The following TUBB4B variants were observed in gnomAD, a reference collection of about 807,000 sequenced individuals.
TUBB4B encodes the protein tubulin beta 4B class IVb.
TUBB4B carries 7 observed loss-of-function variants against 34.3 expected under a neutral mutation model. The ratio of observed to expected loss-of-function variants is 0.20; its 90% CI spans 0.12 to 0.38. The LOEUF is 0.38. TUBB4B is among the 10% of genes least tolerant of loss of function. TUBB4B has a pLI of 1.00. For missense variants in TUBB4B, 178 were observed against 610.9 expected (o/e 0.29, Z 7.47); for synonymous variants, 390 against 250.2 (o/e 1.56, Z -5.27).
At position 137,242,650 on chromosome 9, in the gene TUBB4B, G is replaced by T; in HGVS notation, c.432G>T (p.Gly144=). 6.2e-7 allele frequency: 1 copy of T among 1,613,724 alleles called. No homozygotes were observed. The highest frequency in any genetic ancestry group is 8.5e-7 in the Non-Finnish European group (1 of 1,180,022). ...CCCACTCCCTGGGTGGGGGGACTGG[G>T]TCTGGGATGGGTACCCTCCTCATCA... ...QLTHSLGGGT[G]SGMGTLLISK... The change falls in exon 4 of 4, where the codon GGG becomes GGT. Residue 144 remains glycine, a synonymous_variant. Transcript: ENST00000340384.
Position 137,241,345 on chromosome 9 carries a change from C to G in TUBB4B, c.-16C>G. The G allele has an allele frequency of 6.3e-7, 1 of 1,593,230 alleles. No homozygotes were observed. The highest frequency in any genetic ancestry group is 8.5e-7 in the Non-Finnish European group (1 of 1,175,040). On this transcript the variant is annotated 5_prime_UTR_variant, in exon 1 of 4. Coordinates refer to ENST00000340384, the MANE Select transcript of TUBB4B (RefSeq NM_006088.6). The stretch of plus-strand genomic sequence containing the variant: ...TGTCTACTTCCTCCTGCTTCCCCGC[C>G]GCCGCCGCCGCCATCATGAGGGAAA...
intron 1 of TUBB4B, 94 bp downstream of exon 1, chr9:137,241,511 C>A: frequency 9.1e-7 from 1 of 1,104,504 alleles, no homozygotes; most frequent in Non-Finnish European, 1.1e-6. Context: ...GGGCGGCGCC[C>A]CCGCATTGCG....
chr9:137,241,338 TCCC>T lies in TUBB4B; in HGVS notation c.-21_-19del. On this transcript the variant is annotated 5_prime_UTR_variant, in exon 1 of 4. Coordinates refer to ENST00000340384, the MANE Select transcript of TUBB4B (RefSeq NM_006088.6). ...TGCTGTTTGTCTACTTCCTCCTGCT[TCCC>T]CGCCGCCGCCGCCGCCATCATGAGG... is the stretch of plus-strand genomic sequence containing the variant. The T allele has an allele frequency of 6.4e-7, 1 of 1,566,066 alleles. No homozygotes were observed. The highest frequency in any genetic ancestry group is 8.7e-7 in the Non-Finnish European group (1 of 1,151,314).
In TUBB4B at chr9:137,242,764, C is replaced by T. The variant is rs575560065; in HGVS notation, c.546C>T (p.Pro182=). The T allele has an allele frequency of 2.5e-6, 4 of 1,613,834 alleles. No individual in the cohort carries two copies. Among genetic ancestry groups the T allele is most frequent in the African/African-American group, 2.7e-5 (2 of 75,044 alleles). ...SPKVSDTVVE[P]YNATLSVHQL... ...AAGTGTCAGACACAGTGGTGGAGCCCTACAACGCCACCCTCTCAGTCCACC... is the reference window on the plus strand; with the variant it reads ...AAGTGTCAGACACAGTGGTGGAGCCTTACAACGCCACCCTCTCAGTCCACC... The change falls in exon 4 of 4, where the codon CCC becomes CCT. Residue 182 remains proline, a synonymous_variant. Transcript: ENST00000340384.
intron 3 of TUBB4B, chr9:137,242,246 C>T (rs977806082): frequency 7.6e-6 from 5 of 656,620 alleles, no homozygotes; most frequent in East Asian, 2.7e-5. Flanking sequence ...GGGGCAGTGG[C>T]TGTTCCTCTG....
chr9:137,242,773 C>T lies in TUBB4B; in HGVS notation c.555C>T (p.Ala185=), dbSNP rs1263206549. ...ACACAGTGGTGGAGCCCTACAACGC[C>T]ACCCTCTCAGTCCACCAGCTCGTAG... ...VSDTVVEPYN[A]TLSVHQLVEN... is the part of the protein sequence containing the mutation. The change falls in exon 4 of 4, where the codon GCC becomes GCT. Residue 185 remains alanine, a synonymous_variant. Coordinates refer to ENST00000340384, the MANE Select transcript of TUBB4B (RefSeq NM_006088.6). 4.3e-6 allele frequency: 7 copies of T among 1,613,746 alleles called. No individual in the cohort carries two copies. Among genetic ancestry groups the T allele is most frequent in the East Asian group, 2.2e-5 (1 of 44,898 alleles).
rs774266985 is a variant in TUBB4B, at chr9:137,243,604, T to A, written c.*48T>A. On this transcript the variant is annotated 3_prime_UTR_variant, in exon 4 of 4. Transcript: ENST00000340384. The stretch of plus-strand genomic sequence containing the variant: ...CAGGGAAGCAGTGTGAACTCTTTAT[T>A]CACTCCCAGCCTGTCCTGTGGCCTG... 6.8e-6 allele frequency: 11 copies of A among 1,613,180 alleles called. No homozygotes were observed. Among genetic ancestry groups the A allele is most frequent in the Middle Eastern group, 1.6e-4 (1 of 6,078 alleles).
rs1836794767 is a variant in TUBB4B at position 137,243,238 on chromosome 9, T to C, written c.1020T>C (p.Tyr340=). The change falls in exon 4 of 4, where the codon TAT becomes TAC. Residue 340 remains tyrosine (Y), a synonymous_variant. Transcript: ENST00000340384. ...ATGTCCAAAACAAAAACAGCAGCTA[T>C]TTTGTTGAGTGGATCCCCAACAATG... ...MLNVQNKNSS[Y]FVEWIPNNVK... The C allele has an allele frequency of 1.9e-6, 3 of 1,613,424 alleles. No homozygotes were observed. The highest frequency in any genetic ancestry group is 1.7e-6 in the Non-Finnish European group (2 of 1,180,022).
At chr9:137,242,187 C>A in intron 3 of TUBB4B, 166 bp downstream of exon 3, 1 of 736,030 alleles carries the variant, frequency 1.4e-6, no homozygotes, top group Non-Finnish European at 2.2e-6. Flanking sequence ...AGCTGTCTGC[C>A]GAGGCGAGGA....
At chr9:137,242,452 G>A (rs1588858685) in intron 3 of TUBB4B, 44 bp from the exon 4 acceptor site, 1 of 1,590,866 alleles carries the variant, frequency 6.3e-7, no homozygotes, top group Non-Finnish European at 8.6e-7. Flanking sequence ...GACCAGTAGT[G>A]CTGTCTACCT....
Position 137,241,927 on chromosome 9 carries a change from C to G in TUBB4B, c.183C>G (p.Pro61=), listed in dbSNP as rs1266693528. The change falls in exon 3 of 4, where the codon CCC becomes CCG. Residue 61 remains proline, a synonymous_variant. Transcript: ENST00000340384. ...YNEATGGKYV[P]RAVLVDLEPG... ...TCCCCGCAGGCGGCAAGTACGTGCC[C>G]CGCGCCGTGCTCGTGGATCTGGAGC... 1.2e-6 allele frequency: 2 copies of G among 1,611,566 alleles called. No homozygotes were observed. The highest frequency in any genetic ancestry group is 1.7e-6 in the Non-Finnish European group (2 of 1,179,518).
At position 137,241,287 on chromosome 9, in the gene TUBB4B, A is replaced by G. The variant is rs1027438515; in HGVS notation, c.-74A>G. ...TAAGCGTTGGCGGAGCGTCGGTTGT[A>G]GCACTCTGCGCGCCCGCTCTTCTGC... On this transcript the variant is annotated 5_prime_UTR_variant, in exon 1 of 4. Coordinates refer to ENST00000340384, the MANE Select transcript of TUBB4B (RefSeq NM_006088.6). 1.9e-5 allele frequency: 28 copies of G among 1,501,118 alleles called. No individual in the cohort carries two copies. Among genetic ancestry groups the G allele is most frequent in the African/African-American group, 2.8e-5 (2 of 71,054 alleles). 93.0% of individuals were successfully genotyped at this position (1,501,118 alleles called of 1,614,324 possible). A position where few individuals can be genotyped will look rare whatever the true frequency, so the allele number is the denominator to read the frequency against.
rs775550771 is a variant in TUBB4B at position 137,242,788 on chromosome 9, C to T, written c.570C>T (p.His190=). ...VEPYNATLSV[H]QLVENTDETY... ...CCTACAACGCCACCCTCTCAGTCCACCAGCTCGTAGAAAACACAGACGAGA... is the reference window on the plus strand; with the variant it reads ...CCTACAACGCCACCCTCTCAGTCCATCAGCTCGTAGAAAACACAGACGAGA... The change falls in exon 4 of 4, where the codon CAC becomes CAT. Residue 190 remains histidine (H), a synonymous_variant. Coordinates refer to ENST00000340384, the MANE Select transcript of TUBB4B (RefSeq NM_006088.6). 6 of 1,613,922 alleles carry T rather than the reference C, an allele frequency of 3.7e-6. No homozygotes were observed. Among genetic ancestry groups the T allele is most frequent in the East Asian group, 2.2e-5 (1 of 44,892 alleles).
At chr9:137,242,221 G>T (rs1313695239) in intron 3 of TUBB4B, 200 bp downstream of exon 3, 12 of 668,812 alleles carry the variant, frequency 1.8e-5, no homozygotes, top group Middle Eastern at 4.1e-4. Context: ...TAATCTCCCT[G>T]CAGGGAGCTG....
rs549286108 is a variant in TUBB4B, at chr9:137,241,527, C to T, written c.57+110C>T. 338 of 1,001,130 alleles carry T rather than the reference C, an allele frequency of 3.4e-4. 2 individuals carry two copies. In the African/African-American group the frequency reaches 5.4e-3, roughly 16 times the overall value. The allele number at this position is 1,001,130 out of a possible 1,614,324, so 62.0% of individuals were successfully genotyped here. ...GGCGGCGCCCCCGCATTGCGGCCGC[C>T]GGGCCCCCTCCGCGGGGAATTGGCC... On this transcript the variant is annotated intron_variant, in intron 1 of 3. Transcript: ENST00000340384.
chr9:137,241,585 C>T (rs1469529024), intron 1 of TUBB4B, 136 bp from the exon 2 acceptor site: 3 of 606,038 alleles, frequency 5.0e-6, no homozygotes, highest in Non-Finnish European at 6.2e-6. Flanking sequence ...AGGAACCCGG[C>T]GGCCAGGGCG....
rs139439114 is a variant in TUBB4B, at chr9:137,242,689, G to A, written c.471G>A (p.Glu157=). Residue 157 remains glutamate (E), a synonymous_variant, in exon 4 of 4, where the codon GAG becomes GAA. Transcript: ENST00000340384. ...MGTLLISKIR[E]EYPDRIMNTF... is the part of the protein sequence containing the mutation. The stretch of plus-strand genomic sequence containing the variant: ...CCCTCCTCATCAGCAAGATCCGGGA[G>A]GAGTACCCAGACAGGATCATGAACA... 9.9e-6 allele frequency: 16 copies of A among 1,613,602 alleles called. No homozygotes were observed. The highest frequency in any genetic ancestry group is 1.3e-5 in the African/African-American group (1 of 74,926).
Position 137,241,793 on chromosome 9 carries a change from C to G in TUBB4B, c.130C>G (p.Leu44Val). 6.2e-7 allele frequency: 1 copy of G among 1,612,380 alleles called. No individual in the cohort carries two copies. Among genetic ancestry groups the G allele is most frequent in the Non-Finnish European group, 8.5e-7 (1 of 1,179,616 alleles). Residue 44 changes from leucine (L) to valine (V), a missense_variant, in exon 2 of 4, where the codon CTG becomes GTG. Physicochemically the swap from Leu to Val is conservative, Grantham distance 32 (BLOSUM62 1). Transcript: ENST00000340384. ...GTYHGDSDLQ[L>V]ERINVYYNEA... is the part of the protein sequence containing the mutation. ...CTACCACGGGGACAGCGACCTGCAG[C>G]TGGAACGCATCAACGTGTACTACAA... is the stretch of plus-strand genomic sequence containing the variant.
At chr9:137,242,356 G>C in intron 3 of TUBB4B, 140 bp from the exon 4 acceptor site, 3 of 1,054,916 alleles carry the variant, frequency 2.8e-6, no homozygotes, top group Non-Finnish European at 4.1e-6. Flanking sequence ...CCGTCTTTTG[G>C]CTTTGAAGGG....
Sources: allele counts gnomAD v4.1 joint callset, GRCh38; gene constraint gnomAD v4.1.1; transcripts MANE v1.5; gene names NCBI Gene and HGNC (gene_info 2026-07-23, HGNC 2026-07-21).